The following MDGA2 variants were observed in gnomAD, a reference collection of about 807,000 sequenced individuals.
The protein encoded by MDGA2 is MAM domain-containing glycosylphosphatidylinositol anchor protein 2.
MDGA2 carries 40 observed loss-of-function variants against 117.8 expected under a neutral mutation model. The ratio of observed to expected loss-of-function variants is 0.34; its 90% CI spans 0.26 to 0.44. The LOEUF is 0.44. Ranked by LOEUF, MDGA2 falls within the 20% of genes least tolerant of loss-of-function variation. MDGA2 has a pLI of 1.00. For synonymous variants in MDGA2, 452 were observed against 439.0 expected (o/e 1.03, Z -0.37); for missense variants, 1,123 against 1,250.6 (o/e 0.90, Z 1.54).
At chr14:47,236,316 A>C (rs1886862855) in intron 2 of MDGA2, among the ~76,000 whole-genome samples, 1 of 149,602 alleles carries the variant, frequency 6.7e-6, no homozygotes, top group African/African-American at 2.5e-5. Context: ...AAAAAAAACA[A>C]CACTGTGGGG....
intron 1 of MDGA2, among the ~76,000 whole-genome samples, chr14:47,312,409 C>G (rs1212646284): frequency 8.5e-5 from 13 of 152,088 alleles, no homozygotes; most frequent in Non-Finnish European, 4.4e-5. Flanking sequence ...ACCCTACTTT[C>G]AGTGGTAAAG....
chr14:47,280,126 C>T (rs1888429455), intron 2 of MDGA2, among the ~76,000 whole-genome samples: 2 of 151,598 alleles, frequency 1.3e-5, no homozygotes, highest in South Asian at 4.2e-4. Context: ...ACTAGCCTGA[C>T]CAACATGGAG....
Position 46,919,954 on chromosome 14 carries a change from A to T in MDGA2, c.2238+58T>A, listed in dbSNP as rs966883859. ...ATGCAAAACTCTTAGAAAAATGATA[A>T]CAACAAGGTCTTCACAGAGGACCAC... is the stretch of plus-strand genomic sequence containing the variant. On this transcript the variant is annotated intron_variant, in intron 10 of 16. Transcript: ENST00000399232. The T allele has an allele frequency of 4.8e-6, 7 of 1,447,454 alleles. No individual in the cohort carries two copies. In the African/African-American group the frequency reaches 1.0e-4, roughly 21 times the overall value. 89.7% of individuals were successfully genotyped at this position (1,447,454 alleles called of 1,614,324 possible).
intron 4 of MDGA2, among the ~76,000 whole-genome samples, chr14:47,143,381 G>A (rs1170122603): frequency 6.6e-6 from 1 of 151,826 alleles, no homozygotes; most frequent in Non-Finnish European, 1.5e-5. Flanking sequence ...TTAGGTTTAT[G>A]CTTCTTTCAT....
In MDGA2 at chr14:47,272,018, G is replaced by C. The variant is rs568633149; in HGVS notation, c.420+29393C>G. Among the ~76,000 whole-genome samples the C allele has an allele frequency of 7.9e-5, 12 of 152,230 alleles. No individual in the cohort carries two copies. In the East Asian group the frequency reaches 2.1e-3, roughly 27 times the overall value. The stretch of plus-strand genomic sequence containing the variant: ...TTTCCTTTACATGCTATTATTTCAT[G>C]AAAGTATCCTCAAGCCAAAACCTTG... On this transcript the variant is annotated intron_variant, in intron 2 of 16. Transcript: ENST00000399232.
intron 1 of MDGA2, among the ~76,000 whole-genome samples, chr14:47,381,733 C>T (rs1425471540): frequency 6.6e-6 from 1 of 152,174 alleles, no homozygotes; most frequent in South Asian, 2.1e-4. Context: ...AATGGAAGAA[C>T]ATTCCATGCT....
intron 1 of MDGA2, among the ~76,000 whole-genome samples, chr14:47,536,698 G>A (rs1345970006): frequency 6.6e-6 from 1 of 152,132 alleles, no homozygotes; most frequent in Non-Finnish European, 1.5e-5. Context: ...CCTTTGAGAT[G>A]GAGTCTCGCT....
At chr14:47,096,315 A>G (rs893320356) in intron 6 of MDGA2, among the ~76,000 whole-genome samples, 4 of 151,974 alleles carry the variant, frequency 2.6e-5, no homozygotes, top group African/African-American at 7.2e-5. Context: ...TAATTTCTAT[A>G]TCTTTTGTTT....
intron 1 of MDGA2, among the ~76,000 whole-genome samples, chr14:47,622,225 G>A (rs2138929756): frequency 6.6e-6 from 1 of 152,262 alleles, no homozygotes; most frequent in African/African-American, 2.4e-5. Context: ...ACAAAAGAGA[G>A]AAGAAGAAGA....
intron 2 of MDGA2, among the ~76,000 whole-genome samples, chr14:47,257,764 G>A (rs1371290378): frequency 1.3e-5 from 2 of 152,100 alleles, no homozygotes; most frequent in Non-Finnish European, 1.5e-5. Context: ...AGAGGAGTCT[G>A]GGCCTCAGAA....
At chr14:46,941,697 A>G (rs1489180506) in intron 9 of MDGA2, among the ~76,000 whole-genome samples, 1 of 152,216 alleles carries the variant, frequency 6.6e-6, no homozygotes, top group Non-Finnish European at 1.5e-5. Context: ...GAATAGCAGT[A>G]CTAAACATAG....
intron 10 of MDGA2, among the ~76,000 whole-genome samples, chr14:46,905,854 T>C (rs1883471446): frequency 6.6e-6 from 1 of 152,036 alleles, no homozygotes; most frequent in South Asian, 2.1e-4. Context: ...TTTCTGGAAG[T>C]AGTAAAAGTA....
intron 9 of MDGA2, among the ~76,000 whole-genome samples, chr14:46,924,015 C>A (rs1480261258): frequency 2.6e-5 from 4 of 151,988 alleles, no homozygotes; most frequent in African/African-American, 9.7e-5. Flanking sequence ...TTGTTCCAAT[C>A]TAACTTTTCA....
At chr14:47,047,668 C>A (rs1409667814) in intron 7 of MDGA2, among the ~76,000 whole-genome samples, 2 of 151,994 alleles carry the variant, frequency 1.3e-5, no homozygotes, top group African/African-American at 4.8e-5. Flanking sequence ...ACTATGTTTT[C>A]TTATCACTGT....
At chr14:47,093,077 G>A (rs1160836594) in intron 6 of MDGA2, among the ~76,000 whole-genome samples, 1 of 151,936 alleles carries the variant, frequency 6.6e-6, no homozygotes, top group African/African-American at 2.4e-5. Flanking sequence ...TATCAGGCTG[G>A]GGTTGGGTTA....
At chr14:46,981,578 A>G (rs1886674094) in intron 8 of MDGA2, among the ~76,000 whole-genome samples, 1 of 152,204 alleles carries the variant, frequency 6.6e-6, no homozygotes, top group Non-Finnish European at 1.5e-5. Context: ...TTTAAATAAT[A>G]CAATAGATAA....
intron 7 of MDGA2, among the ~76,000 whole-genome samples, chr14:47,040,429 T>C (rs569113272): frequency 6.6e-6 from 1 of 152,276 alleles, no homozygotes; most frequent in African/African-American, 2.4e-5. Context: ...ATTTTTAAAA[T>C]GTTAATTCAA....
At chr14:47,157,578 T>C (rs1398711687) in intron 3 of MDGA2, among the ~76,000 whole-genome samples, 1 of 150,600 alleles carries the variant, frequency 6.6e-6, no homozygotes, top group Non-Finnish European at 1.5e-5. Flanking sequence ...ATATAAATTT[T>C]TAAACTATGT....
chr14:47,045,690 C>T (rs1365579388), intron 7 of MDGA2, among the ~76,000 whole-genome samples: 5 of 151,952 alleles, frequency 3.3e-5, no homozygotes, highest in South Asian at 2.1e-4. Flanking sequence ...GGGGGGCAGG[C>T]GCAGTGATTC....
Sources: allele counts gnomAD v4.1 joint callset (sites outside exome capture counted in the v4.1 genomes callset), GRCh38; gene constraint gnomAD v4.1.1; transcripts MANE v1.5; gene names NCBI Gene and HGNC (gene_info 2026-07-23, HGNC 2026-07-21).